The following PTPRG variants were observed in gnomAD, a reference collection of about 807,000 sequenced individuals.
PTPRG encodes the protein protein tyrosine phosphatase receptor type G, also known as receptor-type tyrosine-protein phosphatase gamma.
A neutral mutation model predicts 165.3 loss-of-function variants in PTPRG; 102 were observed. That is an observed-to-expected ratio of 0.62 (90% CI 0.53 to 0.73). The LOEUF (loss-of-function observed/expected upper bound fraction) is 0.73. Among genes scored for constraint, PTPRG ranks in the 30% least tolerant of loss-of-function variants. PTPRG has a pLI of 0.00. For missense variants in PTPRG, 1,866 were observed against 1,861.4 expected (o/e 1.00, Z -0.05); for synonymous variants, 675 against 669.5 (o/e 1.01, Z -0.13).
chr3:61,646,974 T>C (rs1015396783), intron 1 of PTPRG, among the ~76,000 whole-genome samples: 7 of 152,200 alleles, frequency 4.6e-5, no homozygotes, highest in Non-Finnish European at 1.5e-5. Flanking sequence ...TATTCCATGG[T>C]AGGGATGTGG....
intron 5 of PTPRG, among the ~76,000 whole-genome samples, chr3:62,131,891 AC>A (rs1358159940): frequency 1.3e-5 from 2 of 152,236 alleles, no homozygotes; most frequent in Non-Finnish European, 2.9e-5. Flanking sequence ...AAAAGAAAAT[AC>A]TTGAAAGCCA....
At chr3:61,982,380 T>C (rs1575848289) in intron 2 of PTPRG, among the ~76,000 whole-genome samples, 3 of 152,120 alleles carry the variant, frequency 2.0e-5, no homozygotes, top group African/African-American at 7.2e-5. Context: ...TCCCAATTAT[T>C]GGTAGAAATT....
chr3:62,266,055 T>A (rs1301036750), intron 17 of PTPRG, among the ~76,000 whole-genome samples: 1 of 152,180 alleles, frequency 6.6e-6, no homozygotes, highest in African/African-American at 2.4e-5. Flanking sequence ...CCAAAGGTCA[T>A]GGTGTTTTGC....
chr3:61,984,819 A>G (rs1237052987), intron 2 of PTPRG, among the ~76,000 whole-genome samples: 2 of 152,168 alleles, frequency 1.3e-5, no homozygotes, highest in African/African-American at 4.8e-5. Context: ...GATCTCTGAC[A>G]GTGTTTTAGT....
At chr3:62,188,891 C>T (rs528263436) in intron 8 of PTPRG, among the ~76,000 whole-genome samples, 8 of 152,228 alleles carry the variant, frequency 5.3e-5, no homozygotes, top group African/African-American at 1.9e-4. Context: ...ATGTACATCT[C>T]GGTTCGTTAT....
At chr3:61,564,286 C>T (rs1241785094) in intron 1 of PTPRG, among the ~76,000 whole-genome samples, 1 of 152,190 alleles carries the variant, frequency 6.6e-6, no homozygotes, top group Non-Finnish European at 1.5e-5. Context: ...TTAATGGGTG[C>T]AGTGGGAGGT....
chr3:61,999,025 G>A (rs1397411373), intron 3 of PTPRG, among the ~76,000 whole-genome samples: 3 of 152,064 alleles, frequency 2.0e-5, no homozygotes, highest in African/African-American at 7.2e-5. Context: ...ATGGTGGAAG[G>A]GAAGGCAGCT....
intron 2 of PTPRG, among the ~76,000 whole-genome samples, chr3:61,911,362 G>T (rs2038799824): frequency 6.6e-6 from 1 of 152,150 alleles, no homozygotes; most frequent in Non-Finnish European, 1.5e-5. Flanking sequence ...GGATAAAAGA[G>T]TAGGCAAATT....
intron 4 of PTPRG, among the ~76,000 whole-genome samples, chr3:62,023,402 A>T (rs1021252412): frequency 6.6e-6 from 1 of 152,134 alleles, no homozygotes; most frequent in Non-Finnish European, 1.5e-5. Context: ...TATATTTGCA[A>T]ATTTCAGCCA....
rs1576129263 is a variant in PTPRG, at chr3:62,203,179, G to C, written c.1384G>C (p.Ala462Pro). Residue 462 changes from alanine to proline, a missense_variant, in exon 12 of 30, where the codon GCG (alanine) becomes CCG (proline). By Grantham distance (27) the Ala-to-Pro change is conservative. This residue lies in a region of PTPRG where 1,452 missense variants were observed against 1,463.0 expected (regional missense o/e 0.99). Transcript: ENST00000474889. The surrounding 1 kb of genome is among the most constrained non-coding windows in gnomAD (Gnocchi z 6.4). ...TRIVKTGVPT[A>P]SPASSADMAP... ...GCCGGGTGACCCTTTCCAGCCCACA[G>C]CGTCTCCTGCCTCTTCAGCCGACAT... is the stretch of plus-strand genomic sequence containing the variant. 1 of 1,584,464 alleles carries C rather than the reference G, an allele frequency of 6.3e-7. No homozygotes were observed. The highest frequency in any genetic ancestry group is 8.6e-7 in the Non-Finnish European group (1 of 1,161,708).
intron 6 of PTPRG, among the ~76,000 whole-genome samples, chr3:62,145,741 C>T (rs1217506272): frequency 6.6e-6 from 1 of 152,162 alleles, no homozygotes; most frequent in African/African-American, 2.4e-5. Context: ...TATTGAATCC[C>T]ATCAGCAACA....
At chr3:61,628,428 G>A (rs1701674394) in intron 1 of PTPRG, among the ~76,000 whole-genome samples, 1 of 152,106 alleles carries the variant, frequency 6.6e-6, no homozygotes, top group Admixed American at 6.5e-5. Context: ...TGATTCTCCT[G>A]CCTCAGCCTC....
intron 26 of PTPRG, among the ~76,000 whole-genome samples, chr3:62,279,489 G>A (rs1269873291): frequency 6.6e-6 from 1 of 151,848 alleles, no homozygotes; most frequent in African/African-American, 2.4e-5. Flanking sequence ...TTCAGATCTG[G>A]AAATTAAGGT....
intron 7 of PTPRG, among the ~76,000 whole-genome samples, chr3:62,163,033 A>C (rs933677330): frequency 6.6e-6 from 1 of 152,178 alleles, no homozygotes. Flanking sequence ...CATGCATTAC[A>C]TGGCTGGAGA....
At chr3:62,192,067 C>T (rs1210562753) in intron 9 of PTPRG, among the ~76,000 whole-genome samples, 2 of 152,092 alleles carry the variant, frequency 1.3e-5, no homozygotes, top group African/African-American at 4.8e-5. Context: ...CGATCATTCT[C>T]CTCTTCCTCT....
chr3:61,850,105 G>GT (rs1389050486), intron 2 of PTPRG, among the ~76,000 whole-genome samples: 8 of 151,916 alleles, frequency 5.3e-5, no homozygotes, highest in African/African-American at 1.7e-4. Context: ...CTTTTAACGT[G>GT]TATGTATGTT....
chr3:61,808,669 C>A (rs143845666), intron 2 of PTPRG, among the ~76,000 whole-genome samples: 1 of 152,084 alleles, frequency 6.6e-6, no homozygotes. Context: ...TTGGCACATA[C>A]GTTGCACTGG....
At chr3:62,063,000 C>T (rs575153955) in intron 4 of PTPRG, among the ~76,000 whole-genome samples, 1 of 152,300 alleles carries the variant, frequency 6.6e-6, no homozygotes, top group Non-Finnish European at 1.5e-5. Flanking sequence ...ATACTAACCC[C>T]AAACTAGTGT....
chr3:61,657,457 A>T (rs1702538652), intron 1 of PTPRG, among the ~76,000 whole-genome samples: 1 of 152,084 alleles, frequency 6.6e-6, no homozygotes, highest in South Asian at 2.1e-4. Flanking sequence ...ACATAGCAAG[A>T]GCCCCCGTCT....
Sources: gnomAD v4.1 joint callset for allele counts (sites outside exome capture counted in the v4.1 genomes callset) on GRCh38, gnomAD v4.1.1 for gene constraint, gnomAD v4.1.1 regional missense constraint, Gnocchi (gnomAD v3.1) non-coding constraint, MANE v1.5 for transcripts, NCBI Gene and HGNC (gene_info 2026-07-23, HGNC 2026-07-21) for gene names.